Variants in LRTM1 observed in about 807,000 individuals in gnomAD.
LRTM1 encodes leucine-rich repeat and transmembrane domain-containing protein 1.
A neutral mutation model predicts 32.4 loss-of-function variants in LRTM1; 38 were observed. The observed-to-expected ratio is 1.17, with a 90% CI of 0.91 to 1.54. The LOEUF is 1.54. Ranked by LOEUF, LRTM1 falls within the 40% of genes most tolerant of loss-of-function variation. The pLI, the probability that LRTM1 is intolerant of heterozygous loss-of-function variation, is 0.00. For missense variants in LRTM1, 466 were observed against 415.4 expected (o/e 1.12, Z -1.06); for synonymous variants, 186 against 169.9 (o/e 1.09, Z -0.74).
chr3:54,940,241 A>G (rs1411941482), intron 1 of LRTM1, among the ~76,000 whole-genome samples: 1 of 152,194 alleles, frequency 6.6e-6, no homozygotes, highest in Non-Finnish European at 1.5e-5. Context: ...TAGCTCTTGG[A>G]AGACTGCAAC....
intron 1 of LRTM1, 101 bp from the exon 2 acceptor site, chr3:54,925,316 G>A: frequency 1.0e-6 from 1 of 967,750 alleles, no homozygotes; most frequent in South Asian, 1.6e-5. Flanking sequence ...TTTCCAGCCA[G>A]GTGAAACCTT....
rs1701807631 is a variant in LRTM1, at chr3:54,953,472, C to T, written c.-222+13456G>A. On this transcript the variant is annotated intron_variant, in intron 1 of 2. Coordinates refer to the LRTM1 transcript ENST00000493075. ...ATAGCACTGGGCCAAGATCATGGGA[C>T]GCAGCTGAAGCCTTCGCGCTTGGTG... 5.3e-5 allele frequency among the ~76,000 whole-genome samples: 8 copies of T among 152,172 alleles called. No homozygotes were observed. The South Asian group carries it at 1.4e-3, about 28-fold the overall frequency.
Position 54,925,030 on chromosome 3 carries a change from G to A in LRTM1, c.193C>T (p.Leu65Phe). The A allele has an allele frequency of 6.2e-7, 1 of 1,614,188 alleles. No individual in the cohort carries two copies. The highest frequency in any genetic ancestry group is 8.5e-7 in the Non-Finnish European group (1 of 1,180,026). Residue 65 changes from leucine (L) to phenylalanine (F), a missense_variant, in exon 2 of 3, where the codon CTT becomes TTT. Coordinates refer to ENST00000273286, the MANE Select transcript of LRTM1 (RefSeq NM_020678.4). ...LHLQDNQIHHLPAFAFRSVPW... is the reference protein window; with the variant it reads ...LHLQDNQIHHFPAFAFRSVPW... The stretch of plus-strand genomic sequence containing the variant: ...ACTGACCTAAATGCAAAAGCAGGAA[G>A]ATGGTGTATCTGATTATCTTGTAAA...
chr3:54,966,711 C>T (rs578230883), intron 1 of LRTM1, among the ~76,000 whole-genome samples: 8 of 152,134 alleles, frequency 5.3e-5, no homozygotes, highest in Admixed American at 6.5e-5. Context: ...CCCAGCTACT[C>T]GGGAGGCTGA....
At chr3:54,940,837 T>C (rs528160950) in intron 1 of LRTM1, among the ~76,000 whole-genome samples, 2 of 152,328 alleles carry the variant, frequency 1.3e-5, no homozygotes, top group South Asian at 2.1e-4. Flanking sequence ...AAAGGGCATA[T>C]GTTTATGGAC....
At chr3:54,935,370 G>A (rs1466233309) in intron 1 of LRTM1, among the ~76,000 whole-genome samples, 1 of 152,160 alleles carries the variant, frequency 6.6e-6, no homozygotes, top group East Asian at 1.9e-4. Context: ...AGATAAAGAT[G>A]CATTTCAGAT....
At chr3:54,947,982 A>T (rs1701656616) in intron 1 of LRTM1, among the ~76,000 whole-genome samples, 1 of 152,134 alleles carries the variant, frequency 6.6e-6, no homozygotes, top group Non-Finnish European at 1.5e-5. Context: ...GGCAAATGCT[A>T]ATCTGGAACC....
chr3:54,963,046 C>T (rs1702068566), intron 1 of LRTM1, among the ~76,000 whole-genome samples: 1 of 152,164 alleles, frequency 6.6e-6, no homozygotes, highest in Non-Finnish European at 1.5e-5. Context: ...TGCATGATTT[C>T]ATCTTGAATG....
chr3:54,928,932 C>T (rs1255283132), upstream of LRTM1, among the ~76,000 whole-genome samples: 1 of 152,148 alleles, frequency 6.6e-6, no homozygotes, highest in African/African-American at 2.4e-5. Context: ...GGAACCGTTT[C>T]TTTGAATGTG....
At chr3:54,927,003 C>T (rs2106946100) in intron 1 of LRTM1, among the ~76,000 whole-genome samples, 1 of 152,272 alleles carries the variant, frequency 6.6e-6, no homozygotes, top group East Asian at 1.9e-4. Context: ...TGACAAACAT[C>T]TGCCAAGGGC....
intron 1 of LRTM1, among the ~76,000 whole-genome samples, chr3:54,926,505 T>TACACACACACAC (rs36205023): frequency 2.8e-5 from 4 of 143,312 alleles, no homozygotes; most frequent in South Asian, 2.4e-4. Flanking sequence ...GCCTGTCAAA[T>TACACACACACAC]ACACACACAC....
At chr3:54,934,507 T>A (rs1701281539) in intron 1 of LRTM1, among the ~76,000 whole-genome samples, 1 of 152,204 alleles carries the variant, frequency 6.6e-6, no homozygotes, top group South Asian at 2.1e-4. Context: ...TTGAACTCCC[T>A]TTAGCAGGCC....
At chr3:54,942,888 G>A (rs9839714) in intron 1 of LRTM1, among the ~76,000 whole-genome samples, 2,332 of 152,248 alleles carry the variant, frequency 0.015, 69 homozygotes, top group African/African-American at 0.053. Flanking sequence ...GCCAGGCGCG[G>A]TGGCACGTGC....
intron 1 of LRTM1, 106 bp from the exon 2 acceptor site, chr3:54,925,321 A>C (rs1038160589): frequency 4.7e-6 from 4 of 845,158 alleles, no homozygotes; most frequent in Non-Finnish European, 7.4e-6. Context: ...AGCCAGGTGA[A>C]ACCTTCTACA....
intron 1 of LRTM1, among the ~76,000 whole-genome samples, chr3:54,942,183 C>G (rs1464255953): frequency 5.9e-5 from 9 of 152,234 alleles, no homozygotes; most frequent in African/African-American, 1.9e-4. Context: ...GGCAGTGATA[C>G]AACCGTGTAT....
chr3:54,927,631 C>T (rs779006031), intron 1 of LRTM1, among the ~76,000 whole-genome samples: 27 of 152,224 alleles, frequency 1.8e-4, no homozygotes, highest in Middle Eastern at 6.8e-3. Context: ...GAATAATATA[C>T]GAACTCCAAC....
intron 2 of LRTM1, 89 bp from the exon 3 acceptor site, chr3:54,918,981 A>G: frequency 3.7e-6 from 4 of 1,077,316 alleles, no homozygotes; most frequent in Non-Finnish European, 5.0e-6. Flanking sequence ...AGGCAGATGG[A>G]ATTTATGAAG....
chr3:54,951,215 C>T (rs1701748216), intron 1 of LRTM1, among the ~76,000 whole-genome samples: 1 of 152,160 alleles, frequency 6.6e-6, no homozygotes, highest in South Asian at 2.1e-4. Flanking sequence ...GCTTGTGCTG[C>T]ACTTTGGTGC....
At chr3:54,928,798 G>A (rs1701104160), upstream of LRTM1, among the ~76,000 whole-genome samples, 1 of 151,756 alleles carries the variant, frequency 6.6e-6, no homozygotes, top group Non-Finnish European at 1.5e-5. Context: ...CTGATGCTGA[G>A]GTCCTGGCCC....
Sources: allele counts gnomAD v4.1 joint callset (sites outside exome capture counted in the v4.1 genomes callset), GRCh38; gene constraint gnomAD v4.1.1; transcripts MANE v1.5; gene names NCBI Gene and HGNC (gene_info 2026-07-23, HGNC 2026-07-21).